The following CEP112 variants were observed in gnomAD, a reference collection of about 807,000 sequenced individuals.
CEP112 encodes centrosomal protein of 112 kDa.
CEP112 carries 127 observed loss-of-function variants against 153.0 expected under a neutral mutation model. The ratio of observed to expected loss-of-function variants is 0.83; its 90% CI spans 0.72 to 0.96. The LOEUF is 0.96. Ranked by LOEUF, CEP112 falls within the 40% of genes least tolerant of loss-of-function variation. CEP112 has a pLI of 0.00. For missense variants in CEP112, 1,089 were observed against 1,101.2 expected (o/e 0.99, Z 0.16); for synonymous variants, 358 against 374.4 (o/e 0.96, Z 0.51).
intron 6 of CEP112, among the ~76,000 whole-genome samples, chr17:66,098,971 A>T (rs1208933630): frequency 6.6e-6 from 1 of 152,190 alleles, no homozygotes; most frequent in Non-Finnish European, 1.5e-5. Context: ...CCTGTCAAAG[A>T]AAAGTGGCCT....
Position 65,801,576 on chromosome 17 carries a change from T to C in CEP112, c.2394+50228A>G, listed in dbSNP as rs115755804. Among the ~76,000 whole-genome samples the C allele has an allele frequency of 2.2e-3, 331 of 152,322 alleles. 3 individuals are homozygous for C. The highest frequency in any genetic ancestry group is 0.01 in the Middle Eastern group (3 of 294). On this transcript the variant is annotated intron_variant, in intron 21 of 26. Coordinates refer to ENST00000535342, the MANE Select transcript of CEP112 (RefSeq NM_001199165.4). ...TACATTTAGGTCTCACAAGTTGCTATTGACAAATTATCTCGGTTTGTGTTT... is the reference window on the plus strand; with the variant it reads ...TACATTTAGGTCTCACAAGTTGCTACTGACAAATTATCTCGGTTTGTGTTT...
At chr17:65,699,671 G>A (rs997358092) in intron 23 of CEP112, among the ~76,000 whole-genome samples, 1 of 152,020 alleles carries the variant, frequency 6.6e-6, no homozygotes, top group African/African-American at 2.4e-5. Context: ...CCAGGCCGGA[G>A]TGCAGTGACT....
intron 21 of CEP112, among the ~76,000 whole-genome samples, chr17:65,767,324 G>A (rs369092076): frequency 3.3e-5 from 5 of 151,878 alleles, no homozygotes; most frequent in Non-Finnish European, 5.9e-5. Flanking sequence ...AACTGAAAAC[G>A]ATCTTGAGAC....
At chr17:65,822,534 AT>A (rs2056643492) in intron 21 of CEP112, among the ~76,000 whole-genome samples, 1 of 152,102 alleles carries the variant, frequency 6.6e-6, no homozygotes, top group Non-Finnish European at 1.5e-5. Flanking sequence ...TTATATTGTT[AT>A]TTTTATATTT....
At position 65,765,312 on chromosome 17, in the gene CEP112, A is replaced by G. The variant is rs562005234; in HGVS notation, c.2395-14588T>C. ...CATACATTTTCTTTTCTTTGGGGTC[A>G]GTTACTAAAGAATTATTGTGTTCTT... On this transcript the variant is annotated intron_variant, in intron 21 of 26. Coordinates refer to ENST00000535342, the MANE Select transcript of CEP112 (RefSeq NM_001199165.4). Among the ~76,000 whole-genome samples, 1,245 of 151,236 alleles carry G rather than the reference A, an allele frequency of 8.2e-3. 8 individuals carry two copies. The highest frequency in any genetic ancestry group is 0.018 in the South Asian group (87 of 4,746).
chr17:65,902,215 C>G lies in CEP112; in HGVS notation c.2100G>C (p.Gln700His). The G allele has an allele frequency of 6.2e-7, 1 of 1,614,010 alleles. No individual in the cohort carries two copies. Among genetic ancestry groups the G allele is most frequent in the Non-Finnish European group, 8.5e-7 (1 of 1,179,986 alleles). Residue 700 changes from glutamine to histidine, a missense_variant, in exon 20 of 27, where the codon CAG (glutamine) becomes CAC (histidine). By Grantham distance (24) the Gln-to-His change is conservative. Coordinates refer to ENST00000535342, the MANE Select transcript of CEP112 (RefSeq NM_001199165.4). ...HEREIENLEK[Q>H]LRAANMEHEN... Reference sequence around the variant, plus strand: ...CGTGCTCCATATTGGCAGCGCGAAGCTGTTTTTCCAGGTTTTCAATTTCCC... The same window carrying G: ...CGTGCTCCATATTGGCAGCGCGAAGGTGTTTTTCCAGGTTTTCAATTTCCC...
intron 23 of CEP112, among the ~76,000 whole-genome samples, chr17:65,690,227 T>G (rs560476506): frequency 1.3e-5 from 2 of 150,324 alleles, no homozygotes; most frequent in East Asian, 4.0e-4. Context: ...GAATTCAAGA[T>G]CAGCCTGGGC....
chr17:65,722,242 T>TTTTC (rs538510712), intron 23 of CEP112, among the ~76,000 whole-genome samples: 169 of 152,050 alleles, frequency 1.1e-3, no homozygotes, highest in Non-Finnish European at 2.1e-3. Context: ...ATAGAGCCAA[T>TTTTC]TTTCTTTCTT....
At chr17:65,897,632 A>G (rs187085109) in intron 20 of CEP112, among the ~76,000 whole-genome samples, 44 of 152,234 alleles carry the variant, frequency 2.9e-4, no homozygotes, top group African/African-American at 1.0e-3. Flanking sequence ...CTTAAAATAT[A>G]CTTTCTTATG....
intron 18 of CEP112, among the ~76,000 whole-genome samples, chr17:65,959,216 T>G (rs2062108782): frequency 6.6e-6 from 1 of 152,048 alleles, no homozygotes; most frequent in Non-Finnish European, 1.5e-5. Flanking sequence ...TCCTCTCTGC[T>G]GAGAGCTGCA....
At chr17:65,804,369 AGAT>A (rs2055462854) in intron 21 of CEP112, 1 of 152,210 alleles carries the variant, frequency 6.6e-6, no homozygotes, top group Non-Finnish European at 1.5e-5. Flanking sequence ...TTTCAAATGT[AGAT>A]GAATACATCT....
At chr17:65,914,174 A>G (rs1416566299) in intron 19 of CEP112, among the ~76,000 whole-genome samples, 1 of 151,668 alleles carries the variant, frequency 6.6e-6, no homozygotes, top group Non-Finnish European at 1.5e-5. Flanking sequence ...TTAGAAAAAA[A>G]CATGTCTTAA....
At chr17:65,924,122 G>A (rs571384244) in intron 19 of CEP112, among the ~76,000 whole-genome samples, 3 of 151,910 alleles carry the variant, frequency 2.0e-5, no homozygotes, top group South Asian at 4.2e-4. Flanking sequence ...GACCACAGGC[G>A]CCCACCACCA....
intron 4 of CEP112, among the ~76,000 whole-genome samples, chr17:66,173,341 C>T (rs2072325767): frequency 6.6e-6 from 1 of 152,122 alleles, no homozygotes. Context: ...TAAAGAGAAG[C>T]CAGAAAGTTG....
rs180720507 is a variant in CEP112 at position 66,162,098 on chromosome 17, T to A, written c.470+12946A>T. On this transcript the variant is annotated intron_variant, in intron 4 of 26. Transcript: ENST00000535342. The stretch of plus-strand genomic sequence containing the variant: ...ATACATATATTCAACACAGAATTAG[T>A]ATCCAGAATATACAAAGACAAATCG... 2.0e-5 allele frequency among the ~76,000 whole-genome samples: 3 copies of A among 152,224 alleles called. No individual in the cohort carries two copies. In the East Asian group the frequency reaches 5.8e-4, roughly 29 times the overall value.
At chr17:66,130,775 C>CAAAAAAAAA (rs539232836) in intron 5 of CEP112, among the ~76,000 whole-genome samples, 1 of 86,062 alleles carries the variant, frequency 1.2e-5, no homozygotes, top group Non-Finnish European at 2.1e-5. Context: ...GACTCCGTCT[C>CAAAAAAAAA]AAAAAAAAAA....
chr17:65,737,905 C>CTA (rs1188236184), intron 23 of CEP112, among the ~76,000 whole-genome samples: 1 of 152,204 alleles, frequency 6.6e-6, no homozygotes, highest in Non-Finnish European at 1.5e-5. Flanking sequence ...TGCATTCAGT[C>CTA]TATGTCTGTT....
At chr17:66,108,829 C>T (rs1446380775) in intron 6 of CEP112, among the ~76,000 whole-genome samples, 1 of 152,146 alleles carries the variant, frequency 6.6e-6, no homozygotes, top group African/African-American at 2.4e-5. Context: ...TTTGTTGTAG[C>T]ACTGTTCACA....
At chr17:66,006,204 T>A (rs192112125) in intron 16 of CEP112, among the ~76,000 whole-genome samples, 1 of 152,124 alleles carries the variant, frequency 6.6e-6, no homozygotes, top group Non-Finnish European at 1.5e-5. Flanking sequence ...TTACTGAGTT[T>A]GGAAGGAAAC....
Sources: allele counts gnomAD v4.1 joint callset (sites outside exome capture counted in the v4.1 genomes callset), GRCh38; gene constraint gnomAD v4.1.1; transcripts MANE v1.5; gene names NCBI Gene and HGNC (gene_info 2026-07-23, HGNC 2026-07-21).